TSPAN8: variants seen among roughly 807,000 people sequenced by gnomAD.
TSPAN8 encodes tetraspanin 8, also known as tetraspanin-8.
TSPAN8 carries 21 observed loss-of-function variants against 32.8 expected under a neutral mutation model. That is an observed-to-expected ratio of 0.64 (90% CI 0.45 to 0.92). The LOEUF (loss-of-function observed/expected upper bound fraction) is 0.92. TSPAN8 is among the 40% of genes least tolerant of loss of function. TSPAN8 has a pLI of 0.00. For missense variants in TSPAN8, 269 were observed against 281.9 expected, an observed-to-expected ratio of 0.95 and a Z score of 0.33; for synonymous variants, 95 against 94.6, an observed-to-expected ratio of 1.00 and a Z score of -0.03.
rs878911183 is a variant in TSPAN8, at chr12:71,132,827, G to A, written c.445-3C>T. ...TTGACCAAACCGCAGCATTTAAACTGTTTGATAAAAGGTAGAATGAGAAGC... is the reference window on the plus strand; with the variant it reads ...TTGACCAAACCGCAGCATTTAAACTATTTGATAAAAGGTAGAATGAGAAGC... On this transcript the variant is annotated splice_polypyrimidine_tract_variant and splice_region_variant and intron_variant, in intron 6 of 8. Coordinates refer to ENST00000247829, the MANE Select transcript of TSPAN8 (RefSeq NM_004616.3). 6.2e-7 allele frequency: 1 copy of A among 1,613,530 alleles called. No individual in the cohort carries two copies. The highest frequency in any genetic ancestry group is 8.5e-7 in the Non-Finnish European group (1 of 1,179,868).
At chr12:71,137,144 G>A (rs1871725125) in intron 6 of TSPAN8, among the ~76,000 whole-genome samples, 1 of 152,078 alleles carries the variant, frequency 6.6e-6, no homozygotes, top group Non-Finnish European at 1.5e-5. Context: ...GCCAGGCATG[G>A]TGGTGTGTGC....
At chr12:71,151,424 T>C (rs1427167993) in intron 2 of TSPAN8, among the ~76,000 whole-genome samples, 2 of 152,138 alleles carry the variant, frequency 1.3e-5, no homozygotes, top group Admixed American at 6.6e-5. Context: ...TTTAAATAAC[T>C]CTAAATTTAG....
At chr12:71,125,444 TATAA>T (rs1229571395) in intron 8 of TSPAN8, 57 bp from the exon 9 acceptor site, 5 of 1,396,300 alleles carry the variant, frequency 3.6e-6, no homozygotes, top group Non-Finnish European at 5.0e-6. Flanking sequence ...CTGGACACAT[TATAA>T]ATAAACAGAA....
chr12:71,157,555 T>C, intron 2 of TSPAN8, 64 bp downstream of exon 2: 1 of 1,146,996 alleles, frequency 8.7e-7, no homozygotes, highest in Non-Finnish European at 1.3e-6. Context: ...TGTTCTTGTT[T>C]ATGATATTTA....
intron 2 of TSPAN8, among the ~76,000 whole-genome samples, chr12:71,151,264 C>T (rs1421077357): frequency 2.6e-5 from 4 of 151,980 alleles, no homozygotes; most frequent in South Asian, 2.1e-4. Context: ...GGGGTTTCAC[C>T]GTGTTAGCCG....
intron 3 of TSPAN8, among the ~76,000 whole-genome samples, chr12:71,142,066 C>G (rs1260921231): frequency 6.6e-6 from 1 of 152,200 alleles, no homozygotes; most frequent in Non-Finnish European, 1.5e-5. Flanking sequence ...GTTTTTCCTT[C>G]CAAAACAGCT....
chr12:71,129,640 G>A (rs1871457320), intron 7 of TSPAN8, among the ~76,000 whole-genome samples: 1 of 152,062 alleles, frequency 6.6e-6, no homozygotes, highest in Non-Finnish European at 1.5e-5. Flanking sequence ...ACAAAATTTT[G>A]CTTGACTGCC....
At chr12:71,127,676 A>G (rs1435241270) in intron 8 of TSPAN8, among the ~76,000 whole-genome samples, 3 of 152,226 alleles carry the variant, frequency 2.0e-5, no homozygotes, top group Non-Finnish European at 4.4e-5. Context: ...CAATTTCATA[A>G]AATACTGAAA....
intron 2 of TSPAN8, among the ~76,000 whole-genome samples, chr12:71,155,037 G>T (rs1303115118): frequency 6.6e-6 from 1 of 152,110 alleles, no homozygotes; most frequent in Admixed American, 6.5e-5. Context: ...TATCACTGTT[G>T]GATAATATTA....
intron 4 of TSPAN8, 115 bp from the exon 5 acceptor site, chr12:71,138,345 G>T (rs1871782596): frequency 4.1e-6 from 4 of 986,074 alleles, no homozygotes; most frequent in Non-Finnish European, 6.0e-6. Flanking sequence ...GAGAGTGTCA[G>T]TCACACTCTT....
intron 8 of TSPAN8, among the ~76,000 whole-genome samples, chr12:71,126,028 T>G (rs992102210): frequency 6.6e-6 from 1 of 152,154 alleles, no homozygotes; most frequent in African/African-American, 2.4e-5. Flanking sequence ...CAAAATTTGC[T>G]CTAATTGGCT....
chr12:71,127,200 T>A (rs1364108406), intron 8 of TSPAN8, among the ~76,000 whole-genome samples: 5 of 152,126 alleles, frequency 3.3e-5, no homozygotes, highest in Admixed American at 3.3e-4. Context: ...GAATTTGAAC[T>A]TTGGAAACAA....
rs139086560 is a variant in TSPAN8 at position 71,130,873 on chromosome 12, T to C, written c.577-1459A>G. Among the ~76,000 whole-genome samples, 391 of 152,312 alleles carry C rather than the reference T, an allele frequency of 2.6e-3. 8 individuals carry two copies. The East Asian group carries it at 0.05, about 19-fold the overall frequency. On this transcript the variant is annotated intron_variant, in intron 7 of 8. Transcript: ENST00000247829. ...AGAAATGTGAATTATGGCCATTCCA[T>C]ATTTTTTATTTTACCAGACTTCTTG... is the stretch of plus-strand genomic sequence containing the variant.
intron 6 of TSPAN8, among the ~76,000 whole-genome samples, chr12:71,135,925 A>G (rs573318959): frequency 1.4e-4 from 21 of 152,298 alleles, no homozygotes; most frequent in South Asian, 8.3e-4. Flanking sequence ...TCCCGGAAAG[A>G]AGAGAGTCAA....
intron 2 of TSPAN8, among the ~76,000 whole-genome samples, chr12:71,156,250 C>CAAAAAAAAAAAAAAAAAA (rs763217771): frequency 9.4e-4 from 23 of 24,350 alleles, no homozygotes; most frequent in African/African-American, 3.7e-3. Flanking sequence ...CAAAGTTCTC[C>CAAAAAAAAAAAAAAAAAA]AAAAAAAAAA....
At chr12:71,142,756 G>T (rs113159800) in intron 3 of TSPAN8, among the ~76,000 whole-genome samples, 1 of 151,238 alleles carries the variant, frequency 6.6e-6, no homozygotes, top group Admixed American at 6.6e-5. Flanking sequence ...TGTGGAAGCC[G>T]CTAATTGCCA....
chr12:71,144,282 C>G, intron 2 of TSPAN8, 69 bp from the exon 3 acceptor site: 1 of 1,403,800 alleles, frequency 7.1e-7, no homozygotes. Context: ...TCCACACCCT[C>G]CTATCTATCC....
intron 3 of TSPAN8, among the ~76,000 whole-genome samples, chr12:71,143,251 G>T (rs1243153276): frequency 1.3e-5 from 2 of 152,124 alleles, no homozygotes; most frequent in Non-Finnish European, 2.9e-5. Flanking sequence ...AGAAGGGAGA[G>T]AAAAGAATAA....
chr12:71,157,410 A>T, intron 2 of TSPAN8: 1 of 480,030 alleles, frequency 2.1e-6, no homozygotes, highest in Non-Finnish European at 3.7e-6. Context: ...GTTTATCCTC[A>T]CATTCTGAAG....
Sources: gnomAD v4.1 joint callset for allele counts (sites outside exome capture counted in the v4.1 genomes callset) on GRCh38, gnomAD v4.1.1 for gene constraint, MANE v1.5 for transcripts, NCBI Gene and HGNC (gene_info 2026-07-23, HGNC 2026-07-21) for gene names.